PDZD2: variants seen among roughly 807,000 people sequenced by gnomAD.
The protein encoded by PDZD2 is PDZ domain containing 2.
In PDZD2, 90 loss-of-function variants were observed where a neutral mutation model predicts 220.7. That is an observed-to-expected ratio of 0.41 (90% CI 0.34 to 0.49). PDZD2 has a LOEUF of 0.49. PDZD2 is among the 20% of genes least tolerant of loss of function. The probability of loss-of-function intolerance (pLI) is 0.28; values close to 1 mark genes in which losing one functional copy is unlikely to be tolerated. For synonymous variants in PDZD2, 1,375 were observed against 1,450.5 expected, an observed-to-expected ratio of 0.95 and a Z score of 1.18; for missense variants, 3,174 against 3,608.5, an observed-to-expected ratio of 0.88 and a Z score of 3.08.
intron 2 of PDZD2, among the ~76,000 whole-genome samples, chr5:31,904,850 A>G (rs1244388348): frequency 6.6e-6 from 1 of 152,192 alleles, no homozygotes; most frequent in Non-Finnish European, 1.5e-5. Flanking sequence ...GGTTATAATT[A>G]AGCATTAGGA....
intron 2 of PDZD2, among the ~76,000 whole-genome samples, chr5:31,855,900 C>T (rs1758403693): frequency 6.6e-6 from 1 of 152,148 alleles, no homozygotes; most frequent in African/African-American, 2.4e-5. Context: ...GAAATGAAGT[C>T]AGTCTTGTCT....
At chr5:31,664,324 C>T (rs1745895244) in intron 1 of PDZD2, among the ~76,000 whole-genome samples, 1 of 152,038 alleles carries the variant, frequency 6.6e-6, no homozygotes, top group Non-Finnish European at 1.5e-5. Flanking sequence ...GTTTTAACGG[C>T]TTAACATAAC....
intron 2 of PDZD2, among the ~76,000 whole-genome samples, chr5:31,802,702 C>T (rs1312564488): frequency 6.6e-6 from 1 of 152,074 alleles, no homozygotes; most frequent in African/African-American, 2.4e-5. Context: ...GGGCAGATCA[C>T]AAGGTCAGGA....
intron 1 of PDZD2, among the ~76,000 whole-genome samples, chr5:31,773,690 A>AAG (rs1470337486): frequency 3.9e-5 from 6 of 152,054 alleles, no homozygotes; most frequent in Non-Finnish European, 7.4e-5. Context: ...TCTACCTAGA[A>AAG]AGAGAGAGAG....
chr5:31,669,784 C>T (rs755769336), intron 1 of PDZD2, among the ~76,000 whole-genome samples: 19 of 152,146 alleles, frequency 1.2e-4, no homozygotes, highest in Non-Finnish European at 2.5e-4. Flanking sequence ...TGTTGAGTGT[C>T]TGTTACCATC....
intron 24 of PDZD2, among the ~76,000 whole-genome samples, chr5:32,107,107 C>A (rs2111754508): frequency 6.6e-6 from 1 of 152,172 alleles, no homozygotes; most frequent in South Asian, 2.1e-4. Context: ...GGGACTTTTT[C>A]TTTCAATGCC....
Position 32,074,516 on chromosome 5 carries a change from C to T in PDZD2, c.3410C>T (p.Pro1137Leu). Residue 1137 changes from proline to leucine, a missense_variant, in exon 18 of 25, where the codon CCC becomes CTC. Pro to Leu is a moderately conservative substitution (Grantham distance 98, BLOSUM62 -3). Coordinates refer to ENST00000438447, the MANE Select transcript of PDZD2 (RefSeq NM_178140.4). ...HCKRSEAEAK[P>L]SGSQTVNLTG... is the part of the protein sequence containing the mutation. ...AAGAGATCCGAGGCTGAGGCCAAGC[C>T]CAGTGGCTCACAGACAGTGAACCTG... The T allele has an allele frequency of 6.2e-7, 1 of 1,614,112 alleles. No individual in the cohort carries two copies. Among genetic ancestry groups the T allele is most frequent in the South Asian group, 1.1e-5 (1 of 91,084 alleles).
chr5:32,052,836 G>T, intron 9 of PDZD2, 106 bp downstream of exon 9: 1 of 1,217,842 alleles, frequency 8.2e-7, no homozygotes, highest in East Asian at 2.4e-5. Flanking sequence ...TTAGAAACAG[G>T]TTCTTGCTCT....
At chr5:31,759,959 A>G (rs1751533477) in intron 1 of PDZD2, among the ~76,000 whole-genome samples, 1 of 152,202 alleles carries the variant, frequency 6.6e-6, no homozygotes, top group African/African-American at 2.4e-5. Flanking sequence ...ATGAATTTCC[A>G]AAAGGAGATA....
intron 1 of PDZD2, among the ~76,000 whole-genome samples, chr5:31,727,396 G>A (rs1749214044): frequency 6.6e-6 from 1 of 152,180 alleles, no homozygotes; most frequent in Non-Finnish European, 1.5e-5. Flanking sequence ...TGCATATAAT[G>A]AAGCTGGGCT....
At chr5:31,806,931 G>GTTTTT (rs397882682) in intron 2 of PDZD2, among the ~76,000 whole-genome samples, 9 of 127,524 alleles carry the variant, frequency 7.1e-5, no homozygotes, top group Non-Finnish European at 9.9e-5. Context: ...GGGCGTCTTT[G>GTTTTT]TTTTTTTTTT....
intron 1 of PDZD2, among the ~76,000 whole-genome samples, chr5:31,654,533 C>A (rs1212293231): frequency 6.6e-6 from 1 of 152,164 alleles, no homozygotes; most frequent in Non-Finnish European, 1.5e-5. Context: ...TCCTGTACTC[C>A]TTGCATGTAT....
rs763117033 is a variant in PDZD2, at chr5:31,799,495, G to C, written c.247G>C (p.Val83Leu). ...LTKELGDTET[V>L]GLSFGNIPVF... ...CAAGGAGCTGGGGGACACAGAGACT[G>C]TGGGCCTGAGTTTTGGGAACATCCC... The change falls in exon 2 of 25, where the codon GTG becomes CTG. Residue 83 changes from valine to leucine, a missense_variant. Around this residue, in one of 4 missense-constraint regions of PDZD2, gnomAD observed 632 missense variants for 708.1 expected, o/e 0.89. Coordinates refer to ENST00000438447, the MANE Select transcript of PDZD2 (RefSeq NM_178140.4). The C allele has an allele frequency of 3.7e-6, 6 of 1,614,218 alleles. No homozygotes were observed. The East Asian group carries it at 1.3e-4, about 36-fold the overall frequency.
In PDZD2 at chr5:31,790,214, C is replaced by T. The variant is rs577837184; in HGVS notation, c.-360-8675C>T. Among the ~76,000 whole-genome samples, 32 of 152,210 alleles carry T rather than the reference C, an allele frequency of 2.1e-4. No individual in the cohort carries two copies. In the South Asian group the frequency reaches 4.1e-3, roughly 20 times the overall value. ...CCTCCACCTCCTGAGTCTCCTGCCTCAGCCTCCCGAGTAGCTAGGACTACA... is the reference window on the plus strand; with the variant it reads ...CCTCCACCTCCTGAGTCTCCTGCCTTAGCCTCCCGAGTAGCTAGGACTACA... On this transcript the variant is annotated intron_variant, in intron 1 of 24. Transcript: ENST00000438447.
At chr5:31,696,850 T>C (rs1241142904) in intron 1 of PDZD2, among the ~76,000 whole-genome samples, 1 of 152,140 alleles carries the variant, frequency 6.6e-6, no homozygotes, top group Non-Finnish European at 1.5e-5. Flanking sequence ...TGAGCCTCCA[T>C]CCTATGTTGG....
chr5:31,987,537 C>T (rs1444747478), intron 3 of PDZD2, among the ~76,000 whole-genome samples: 1 of 152,166 alleles, frequency 6.6e-6, no homozygotes, highest in Non-Finnish European at 1.5e-5. Context: ...TGGGTGAACT[C>T]ACATTGTCCT....
At chr5:31,961,409 C>G (rs929522044) in intron 2 of PDZD2, among the ~76,000 whole-genome samples, 1 of 151,568 alleles carries the variant, frequency 6.6e-6, no homozygotes, top group African/African-American at 2.4e-5. Flanking sequence ...ATGGTGTGCA[C>G]CTGTAGTCTC....
chr5:32,002,967 A>AC (rs1752374805), intron 5 of PDZD2, among the ~76,000 whole-genome samples: 1 of 88,982 alleles, frequency 1.1e-5, no homozygotes, highest in African/African-American at 4.5e-5. Context: ...CACACACACC[A>AC]ACACACACAC....
intron 1 of PDZD2, among the ~76,000 whole-genome samples, chr5:31,689,353 A>ATATATTTTTTTTTTTTTTTT: frequency 5.7e-5 from 2 of 35,122 alleles, no homozygotes; most frequent in Non-Finnish European, 8.4e-5. Flanking sequence ...ATATATATAT[A>ATATATTTTTTTTTTTTTTTT]TTTTTTTTTT....
Sources: gnomAD v4.1 joint callset for allele counts (sites outside exome capture counted in the v4.1 genomes callset) on GRCh38, gnomAD v4.1.1 for gene constraint, gnomAD v4.1.1 regional missense constraint, MANE v1.5 for transcripts, NCBI Gene and HGNC (gene_info 2026-07-23, HGNC 2026-07-21) for gene names.